The following BMP2 variants were observed in gnomAD, a reference collection of about 807,000 sequenced individuals.
BMP2 encodes the protein bone morphogenetic protein 2A.
In BMP2, 2 loss-of-function variants were observed where a neutral mutation model predicts 28.8. The observed-to-expected ratio is 0.07, with a 90% CI of 0.03 to 0.22. The LOEUF is 0.22. Ranked by LOEUF, BMP2 falls within the 10% of genes least tolerant of loss-of-function variation. BMP2 has a pLI of 1.00. For missense variants in BMP2, 437 were observed against 517.7 expected, an observed-to-expected ratio of 0.84 and a Z score of 1.51; for synonymous variants, 218 against 204.3, an observed-to-expected ratio of 1.07 and a Z score of -0.57.
chr20:6,777,051 ATAAACT>A (rs1986514898), intron 2 of BMP2, among the ~76,000 whole-genome samples: 1 of 152,218 alleles, frequency 6.6e-6, no homozygotes, highest in South Asian at 2.1e-4. Flanking sequence ...TTAGAATAAA[ATAAACT>A]TAAATGTCTC....
At chr20:6,769,286 C>T (rs1195804616) in intron 1 of BMP2, among the ~76,000 whole-genome samples, 1 of 152,068 alleles carries the variant, frequency 6.6e-6, no homozygotes, top group Non-Finnish European at 1.5e-5. Flanking sequence ...TCAAGTGTTT[C>T]CGGGAGACTT....
chr20:6,776,181 G>A (rs940142312), intron 2 of BMP2, among the ~76,000 whole-genome samples: 1 of 152,150 alleles, frequency 6.6e-6, no homozygotes, highest in African/African-American at 2.4e-5. Flanking sequence ...GGTTCAAATG[G>A]TCAGAAGGTT....
rs1291679886 is a variant in BMP2, at chr20:6,770,219, G to A, written c.93G>A (p.Arg31=). 1 of 1,599,118 alleles carries A rather than the reference G, an allele frequency of 6.3e-7. No homozygotes were observed. Among genetic ancestry groups the A allele is most frequent in the Admixed American group, 1.7e-5 (1 of 58,292 alleles). ...AAGLVPELGR[R]KFAAASSGRP... is the part of the protein sequence containing the mutation. ...GCCTCGTTCCGGAGCTGGGCCGCAG[G>A]AAGTTCGCGGCGGCGTCGTCGGGCC... Residue 31 remains arginine (R), a synonymous_variant, in exon 2 of 3, where the codon AGG becomes AGA. Coordinates refer to ENST00000378827, the MANE Select transcript of BMP2 (RefSeq NM_001200.4).
At chr20:6,776,006 G>A (rs1427881819) in intron 2 of BMP2, among the ~76,000 whole-genome samples, 3 of 152,148 alleles carry the variant, frequency 2.0e-5, no homozygotes, top group African/African-American at 7.2e-5. Flanking sequence ...CAGTAGCTCA[G>A]GTGCTGGTCT....
chr20:6,768,811 A>C lies in BMP2; in HGVS notation c.-72A>C. The C allele has an allele frequency of 3.0e-6, 1 of 336,460 alleles. No individual in the cohort carries two copies. Among genetic ancestry groups the C allele is most frequent in the Non-Finnish European group, 5.3e-6 (1 of 187,516 alleles). 20.8% of individuals were successfully genotyped at this position (336,460 alleles called of 1,614,324 possible). A position where few individuals can be genotyped will look rare whatever the true frequency, so the allele number is the denominator to read the frequency against. The stretch of plus-strand genomic sequence containing the variant: ...CAGGTCCTTTGACCAGAGTTTTTCC[A>C]TGTGGACGCTCTTTCAATGGACGTG... On this transcript the variant is annotated 5_prime_UTR_variant, in exon 1 of 3. An upstream start codon of the reference 5' UTR is lost. Transcript: ENST00000378827.
Position 6,770,300 on chromosome 20 carries a change from C to T in BMP2, c.174C>T (p.Leu58=). ...EVLSEFELRL[L]SMFGLKQRPT... ...TGAGCGAGTTCGAGTTGCGGCTGCT[C>T]AGCATGTTCGGCCTGAAACAGAGAC... Residue 58 remains leucine, a synonymous_variant, in exon 2 of 3, where the codon CTC becomes CTT. Coordinates refer to ENST00000378827, the MANE Select transcript of BMP2 (RefSeq NM_001200.4). 6.2e-7 allele frequency: 1 copy of T among 1,613,328 alleles called. No individual in the cohort carries two copies. Among genetic ancestry groups the T allele is most frequent in the Non-Finnish European group, 8.5e-7 (1 of 1,179,918 alleles).
chr20:6,772,613 A>C (rs1221091774), intron 2 of BMP2, among the ~76,000 whole-genome samples: 3 of 152,218 alleles, frequency 2.0e-5, no homozygotes, highest in Non-Finnish European at 4.4e-5. Flanking sequence ...CTACAGCATT[A>C]ATGAGCATTT....
In BMP2 at chr20:6,768,260, C is replaced by T. The variant is rs1986297212; in HGVS notation, c.-623C>T. On this transcript the variant is annotated 5_prime_UTR_variant, in exon 1 of 3. Coordinates refer to ENST00000378827, the MANE Select transcript of BMP2 (RefSeq NM_001200.4). ...ACTGGCGAGCGCGAATGGGGGTGCA[C>T]TGGAGTAAGGCAGAGTGATGCGGGG... The T allele has an allele frequency of 2.5e-6, 1 of 398,262 alleles. No homozygotes were observed. The highest frequency in any genetic ancestry group is 1.3e-4 in the South Asian group (1 of 7,850). 24.7% of individuals were successfully genotyped at this position (398,262 alleles called of 1,614,324 possible). A position where few individuals can be genotyped will look rare whatever the true frequency, so the allele number is the denominator to read the frequency against.
In BMP2 at chr20:6,778,950, C is replaced by G; in HGVS notation, c.1052C>G (p.Ser351Cys). The change falls in exon 3 of 3, where the codon TCT becomes TGT. Residue 351 changes from serine to cysteine, a missense_variant. By Grantham distance (112) the Ser-to-Cys change is moderately radical (BLOSUM62 -1). Around this residue, in one of 2 missense-constraint regions of BMP2, gnomAD observed 74 missense variants for 124.9 expected, o/e 0.59. Coordinates refer to ENST00000378827, the MANE Select transcript of BMP2 (RefSeq NM_001200.4). This position sits in a 1 kb window ranked among gnomAD's most constrained non-coding sequence, Gnocchi z 5.0. Reference sequence around the variant, plus strand: ...GCCATTGTTCAGACGTTGGTCAACTCTGTTAACTCTAAGATTCCTAAGGCA... The same window carrying G: ...GCCATTGTTCAGACGTTGGTCAACTGTGTTAACTCTAAGATTCCTAAGGCA... The part of the protein sequence containing the change: ...NHAIVQTLVN[S>C]VNSKIPKACC... The G allele has an allele frequency of 6.2e-7, 1 of 1,613,950 alleles. No individual in the cohort carries two copies. Among genetic ancestry groups the G allele is most frequent in the Non-Finnish European group, 8.5e-7 (1 of 1,179,986 alleles).
In BMP2 at chr20:6,770,320, A is replaced by G. The variant is rs762870450; in HGVS notation, c.194A>G (p.Gln65Arg). 7 of 1,613,568 alleles carry G rather than the reference A, an allele frequency of 4.3e-6. 1 individual carries two copies. In the South Asian group the frequency reaches 6.6e-5, roughly 15 times the overall value. ...CTGCTCAGCATGTTCGGCCTGAAAC[A>G]GAGACCCACCCCCAGCAGGGACGCC... ...LRLLSMFGLK[Q>R]RPTPSRDAVV... The change falls in exon 2 of 3, where the codon CAG becomes CGG. Residue 65 changes from glutamine to arginine, a missense_variant. This residue lies in a region of BMP2 where 363 missense variants were observed against 392.8 expected (regional missense o/e 0.92). Transcript: ENST00000378827.
intron 2 of BMP2, among the ~76,000 whole-genome samples, chr20:6,775,748 T>TTGAC (rs2122386034): frequency 6.6e-6 from 1 of 152,220 alleles, no homozygotes; most frequent in Non-Finnish European, 1.5e-5. Context: ...TCCCTCATAC[T>TTGAC]TGACTTGTAG....
chr20:6,775,191 G>C (rs548424017), intron 2 of BMP2, among the ~76,000 whole-genome samples: 6 of 152,058 alleles, frequency 3.9e-5, no homozygotes, highest in Non-Finnish European at 7.4e-5. Flanking sequence ...GCATCCTCAG[G>C]GTTGCTGTGA....
At chr20:6,770,847 A>T (rs769296807) in intron 2 of BMP2, among the ~76,000 whole-genome samples, 1 of 152,194 alleles carries the variant, frequency 6.6e-6, no homozygotes, top group Non-Finnish European at 1.5e-5. Context: ...GATTTCTTTA[A>T]GTCTGTTTGG....
rs972547829 is a variant in BMP2, at chr20:6,778,143, C to A, written c.347-102C>A. 3.4e-6 allele frequency: 5 copies of A among 1,483,810 alleles called. No homozygotes were observed. Among genetic ancestry groups the A allele is most frequent in the Admixed American group, 4.7e-5 (2 of 42,586 alleles). 91.9% of individuals were successfully genotyped at this position (1,483,810 alleles called of 1,614,324 possible). A position where few individuals can be genotyped will look rare whatever the true frequency, so the allele number is the denominator to read the frequency against. Reference sequence around the variant, plus strand: ...TTTACATGGGTTACATCAAATCCCACGATGAGGTTTAAAAATTCTCATAGA... The same window carrying A: ...TTTACATGGGTTACATCAAATCCCAAGATGAGGTTTAAAAATTCTCATAGA... On this transcript the variant is annotated intron_variant, in intron 2 of 2. Coordinates refer to ENST00000378827, the MANE Select transcript of BMP2 (RefSeq NM_001200.4). The surrounding 1 kb of genome is among the most constrained non-coding windows in gnomAD (Gnocchi z 5.0).
intron 2 of BMP2, among the ~76,000 whole-genome samples, chr20:6,775,682 G>T (rs1004463156): frequency 1.3e-5 from 2 of 151,990 alleles, no homozygotes; most frequent in Admixed American, 1.3e-4. Flanking sequence ...TTTTTGGGAG[G>T]TTATTATTCT....
In BMP2 at chr20:6,767,918, C is replaced by G. The variant is rs1310849699; in HGVS notation, c.-965C>G. On this transcript the variant is annotated 5_prime_UTR_variant, in exon 1 of 3. Transcript: ENST00000378827. The stretch of plus-strand genomic sequence containing the variant: ...CAGACCCCGCGCGGGCTGGAGCACC[C>G]GGCAGAGCGCGCCACAGCGCCGTGG... The G allele has an allele frequency of 5.2e-6, 2 of 385,468 alleles. No homozygotes were observed. The highest frequency in any genetic ancestry group is 4.5e-5 in the Admixed American group (1 of 22,218). The allele number at this position is 385,468 out of a possible 1,614,324, so 23.9% of individuals were successfully genotyped here.
At position 6,774,967 on chromosome 20, in the gene BMP2, G is replaced by T. The variant is rs116296594; in HGVS notation, c.347-3278G>T. On this transcript the variant is annotated intron_variant, in intron 2 of 2. Transcript: ENST00000378827. The stretch of plus-strand genomic sequence containing the variant: ...GGAGAAAAGTTCAGATATCATTGTT[G>T]TCTTATTTTTCTTCACTTTCCCACA... Among the ~76,000 whole-genome samples the T allele has an allele frequency of 5.1e-3, 779 of 152,258 alleles. 7 individuals carry two copies. Among genetic ancestry groups the T allele is most frequent in the African/African-American group, 0.017 (718 of 41,550 alleles).
chr20:6,768,127 G>T lies in BMP2; in HGVS notation c.-756G>T. 4 of 398,232 alleles carry T rather than the reference G, an allele frequency of 1.0e-5. No individual in the cohort carries two copies. The highest frequency in any genetic ancestry group is 1.8e-5 in the Non-Finnish European group (4 of 225,810). The allele number at this position is 398,232 out of a possible 1,614,324, so 24.7% of individuals were successfully genotyped here. A position where few individuals can be genotyped will look rare whatever the true frequency, so the allele number is the denominator to read the frequency against. On this transcript the variant is annotated 5_prime_UTR_variant, in exon 1 of 3. Transcript: ENST00000378827. ...AAAGGGCACTTGGCCCCAGGGCTAG[G>T]AGAGCGAGGGGAGAGCACAGCCACC...
intron 2 of BMP2, among the ~76,000 whole-genome samples, chr20:6,774,626 T>G (rs569856501): frequency 6.6e-6 from 1 of 152,336 alleles, no homozygotes; most frequent in Admixed American, 6.5e-5. Flanking sequence ...TCTGTGACCT[T>G]AGGAAAGTTA....
Sources: gnomAD v4.1 joint callset for allele counts (sites outside exome capture counted in the v4.1 genomes callset) on GRCh38, gnomAD v4.1.1 for gene constraint, gnomAD v4.1.1 regional missense constraint, Gnocchi (gnomAD v3.1) non-coding constraint, MANE v1.5 for transcripts, NCBI Gene and HGNC (gene_info 2026-07-23, HGNC 2026-07-21) for gene names.